CLDN14: variants seen among roughly 807,000 people sequenced by gnomAD.
CLDN14 encodes claudin 14.
Under a neutral mutation model 2.1 loss-of-function variants are expected in CLDN14, and 2 were observed. The observed-to-expected ratio is 0.96, with a 90% confidence interval of 0.39 to 3.01. CLDN14 has a LOEUF of 3.01. Ranked by LOEUF, CLDN14 falls within the 30% of genes most tolerant of loss-of-function variation. The pLI is 0.09. For missense variants in CLDN14, 298 were observed against 328.0 expected, an observed-to-expected ratio of 0.91 and a Z score of 0.71; for synonymous variants, 136 against 154.4, an observed-to-expected ratio of 0.88 and a Z score of 0.88.
chr21:36,561,831 A>C (rs1326715957), intron 1 of CLDN14, among the ~76,000 whole-genome samples: 1 of 152,092 alleles, frequency 6.6e-6, no homozygotes, highest in African/African-American at 2.4e-5. Flanking sequence ...AGGAGCAGGC[A>C]CTACTCCCTC....
chr21:36,514,317 A>T (rs902985867), intron 1 of CLDN14, among the ~76,000 whole-genome samples: 4 of 152,138 alleles, frequency 2.6e-5, no homozygotes, highest in African/African-American at 7.2e-5. Flanking sequence ...GTGAGGCTGG[A>T]GTTGGGACAG....
intron 2 of CLDN14, chr21:36,485,877 A>T (rs1429129253): frequency 1.0e-5 from 6 of 574,832 alleles, no homozygotes; most frequent in Non-Finnish European, 1.7e-5. Flanking sequence ...TATGTTGCCA[A>T]GCTTTATTTA....
intron 2 of CLDN14, among the ~76,000 whole-genome samples, chr21:36,488,101 C>T (rs1243967487): frequency 6.6e-6 from 1 of 152,238 alleles, no homozygotes; most frequent in East Asian, 1.9e-4. Flanking sequence ...GCTGTAACCA[C>T]ACAATGCAAC....
chr21:36,574,819 AG>A (rs1403271608), intron 1 of CLDN14, among the ~76,000 whole-genome samples: 1 of 152,184 alleles, frequency 6.6e-6, no homozygotes, highest in Admixed American at 6.5e-5. Flanking sequence ...TAAATGACAA[AG>A]CTTTGATTGA....
chr21:36,491,647 C>T (rs1051141472), intron 2 of CLDN14, among the ~76,000 whole-genome samples: 1 of 152,094 alleles, frequency 6.6e-6, no homozygotes, highest in Non-Finnish European at 1.5e-5. Flanking sequence ...AGCAAATAAG[C>T]AAATGGTCAT....
chr21:36,489,513 G>T (rs1388827610), intron 2 of CLDN14, among the ~76,000 whole-genome samples: 1 of 152,134 alleles, frequency 6.6e-6, no homozygotes, highest in Non-Finnish European at 1.5e-5. Context: ...CTGTGGGAAG[G>T]CCTCACCAGC....
intron 1 of CLDN14, among the ~76,000 whole-genome samples, chr21:36,536,513 A>C (rs1215874874): frequency 1.3e-5 from 2 of 152,206 alleles, no homozygotes; most frequent in Non-Finnish European, 2.9e-5. Context: ...TGTTGGTATC[A>C]TTTGTCTAAA....
intron 2 of CLDN14, chr21:36,487,412 C>A: frequency 6.0e-6 from 1 of 165,512 alleles, no homozygotes; most frequent in South Asian, 1.7e-4. Context: ...CCAACACCAT[C>A]CTGCCACCCT....
chr21:36,524,667 T>G (rs1367416680), intron 1 of CLDN14, among the ~76,000 whole-genome samples: 1 of 152,074 alleles, frequency 6.6e-6, no homozygotes, highest in African/African-American at 2.4e-5. Context: ...CTGGGCCCAG[T>G]AGAGCAAGTG....
At chr21:36,514,465 G>A (rs2087209322) in intron 1 of CLDN14, among the ~76,000 whole-genome samples, 1 of 152,186 alleles carries the variant, frequency 6.6e-6, no homozygotes, top group African/African-American at 2.4e-5. Flanking sequence ...AGCAATGATG[G>A]TTTCAATTGG....
intron 1 of CLDN14, among the ~76,000 whole-genome samples, chr21:36,467,437 G>C (rs1331546698): frequency 6.6e-6 from 1 of 151,954 alleles, no homozygotes; most frequent in Non-Finnish European, 1.5e-5. Flanking sequence ...CCTTCACTTT[G>C]TCCTATCTTC....
At chr21:36,546,581 A>C (rs1238552205) in intron 1 of CLDN14, among the ~76,000 whole-genome samples, 1 of 152,094 alleles carries the variant, frequency 6.6e-6, no homozygotes, top group Non-Finnish European at 1.5e-5. Context: ...CCTCTGTTGA[A>C]CTTTCCTCAA....
intron 1 of CLDN14, among the ~76,000 whole-genome samples, chr21:36,541,390 G>A (rs1345412516): frequency 6.6e-6 from 1 of 152,136 alleles, no homozygotes; most frequent in African/African-American, 2.4e-5. Flanking sequence ...AGTAACAAAA[G>A]GATGAAAAGA....
rs1171172724 is a variant in CLDN14, at chr21:36,460,794, TCTC to T, written c.*179_*181del. On this transcript the variant is annotated 3_prime_UTR_variant, in exon 2 of 2. Transcript: ENST00000399135. The surrounding 1 kb of genome is among the most constrained non-coding windows in gnomAD (Gnocchi z 4.0). ...TTTCAGTCTTTGGTATAGAGAGCTT[TCTC>T]CTCCTCTTATTTCCCCCTCTGTCCC... 1.0e-5 allele frequency: 7 copies of T among 680,142 alleles called. No homozygotes were observed. The highest frequency in any genetic ancestry group is 4.1e-4 in the Middle Eastern group (1 of 2,428). 42.1% of individuals were successfully genotyped at this position (680,142 alleles called of 1,614,324 possible).
chr21:36,463,636 C>T (rs945895158), intron 1 of CLDN14, among the ~76,000 whole-genome samples: 22 of 152,274 alleles, frequency 1.4e-4, no homozygotes, highest in African/African-American at 4.1e-4. Flanking sequence ...TCGCTTGAAC[C>T]GGGAGGCGGA....
chr21:36,470,011 AATACT>A (rs1231477279), intron 1 of CLDN14, among the ~76,000 whole-genome samples: 1 of 152,216 alleles, frequency 6.6e-6, no homozygotes, highest in African/African-American at 2.4e-5. Flanking sequence ...GATTAAAAAA[AATACT>A]AGAAAAGTAA....
intron 2 of CLDN14, among the ~76,000 whole-genome samples, chr21:36,495,607 A>T (rs2087008764): frequency 6.6e-6 from 1 of 152,242 alleles, no homozygotes; most frequent in South Asian, 2.1e-4. Flanking sequence ...GTTTACAATG[A>T]GCAGTTGCAG....
At chr21:36,508,688 T>C (rs1474935892) in intron 2 of CLDN14, among the ~76,000 whole-genome samples, 2 of 152,110 alleles carry the variant, frequency 1.3e-5, no homozygotes, top group Non-Finnish European at 2.9e-5. Flanking sequence ...CCATTGCTCT[T>C]GGGAAGAAAC....
At chr21:36,547,637 T>G (rs543467765) in intron 1 of CLDN14, among the ~76,000 whole-genome samples, 26 of 152,286 alleles carry the variant, frequency 1.7e-4, no homozygotes, top group Admixed American at 1.2e-3. Context: ...GTGCCAAGCC[T>G]CTGACACTAA....
Sources: allele counts gnomAD v4.1 joint callset (sites outside exome capture counted in the v4.1 genomes callset), GRCh38; gene constraint gnomAD v4.1.1; non-coding constraint Gnocchi (gnomAD v3.1); transcripts MANE v1.5; gene names NCBI Gene and HGNC (gene_info 2026-07-23, HGNC 2026-07-21).